The following ST7 variants were observed in gnomAD, a reference collection of about 807,000 sequenced individuals.
ST7 encodes suppressor of tumorigenicity 7 protein.
ST7 carries 28 observed loss-of-function variants against 78.7 expected under a neutral mutation model. The observed-to-expected ratio is 0.36, with a 90% CI of 0.26 to 0.49. The LOEUF is 0.49. Ranked by LOEUF, ST7 falls within the 20% of genes least tolerant of loss-of-function variation. The pLI is 0.99. For synonymous variants in ST7, 247 were observed against 249.6 expected, an observed-to-expected ratio of 0.99 and a Z score of 0.10; for missense variants, 418 against 696.0, an observed-to-expected ratio of 0.60 and a Z score of 4.49.
chr7:116,964,177 A>G (rs1352325790), intron 1 of ST7, among the ~76,000 whole-genome samples: 1 of 152,170 alleles, frequency 6.6e-6, no homozygotes, highest in Non-Finnish European at 1.5e-5. Context: ...CTAGATTTAG[A>G]GTTTTGTCTT....
chr7:117,096,636 T>C (rs951418768), intron 1 of ST7, among the ~76,000 whole-genome samples: 4 of 152,224 alleles, frequency 2.6e-5, no homozygotes, highest in Admixed American at 6.5e-5. Context: ...GCGAATAATA[T>C]TGATCTCATG....
chr7:116,983,204 A>G (rs1794037335), intron 1 of ST7, among the ~76,000 whole-genome samples: 1 of 152,040 alleles, frequency 6.6e-6, no homozygotes, highest in African/African-American at 2.4e-5. Flanking sequence ...AGCCACGTAT[A>G]TTGTTTTTAT....
At chr7:117,130,698 C>A in intron 5 of ST7, 92 bp downstream of exon 5, 1 of 806,406 alleles carries the variant, frequency 1.2e-6, no homozygotes, top group Non-Finnish European at 2.0e-6. Context: ...CTGTAAAACT[C>A]CAATGAATAA....
chr7:117,137,553 T>A (rs1020705409), intron 8 of ST7, among the ~76,000 whole-genome samples: 22 of 152,194 alleles, frequency 1.4e-4, no homozygotes, highest in East Asian at 1.9e-4. Context: ...ATCACATTTT[T>A]AAAATAATTT....
intron 1 of ST7, among the ~76,000 whole-genome samples, chr7:117,063,311 C>G (rs1165833165): frequency 6.6e-6 from 1 of 152,130 alleles, no homozygotes; most frequent in East Asian, 1.9e-4. Flanking sequence ...AAGCCCAGGA[C>G]AAAGATTAAA....
chr7:117,170,499 A>G (rs1033963187), intron 9 of ST7, among the ~76,000 whole-genome samples: 63 of 152,192 alleles, frequency 4.1e-4, no homozygotes, highest in African/African-American at 1.4e-3. Context: ...TGGCTAACAT[A>G]GTGAAACCCC....
At chr7:116,977,563 T>C (rs570928983) in intron 1 of ST7, among the ~76,000 whole-genome samples, 1 of 152,314 alleles carries the variant, frequency 6.6e-6, no homozygotes, top group East Asian at 1.9e-4. Flanking sequence ...TATATATTTT[T>C]TTATTTTGAG....
rs1180688805 is a variant in ST7 at position 117,129,790 on chromosome 7, C to T, written c.395-3C>T. Reference sequence around the variant, plus strand: ...AACATTTTCATATTTCTCTTTGTTGCAGAATGCAAAGTATGGCGAAATCCA... The same window carrying T: ...AACATTTTCATATTTCTCTTTGTTGTAGAATGCAAAGTATGGCGAAATCCA... On this transcript the variant is annotated splice_region_variant and splice_polypyrimidine_tract_variant and intron_variant, in intron 3 of 15. Transcript: ENST00000323984. 1 of 1,608,916 alleles carries T rather than the reference C, an allele frequency of 6.2e-7. No individual in the cohort carries two copies. The highest frequency in any genetic ancestry group is 2.2e-5 in the East Asian group (1 of 44,704).
At chr7:116,998,100 G>A (rs1304371110) in intron 1 of ST7, among the ~76,000 whole-genome samples, 4 of 152,256 alleles carry the variant, frequency 2.6e-5, no homozygotes, top group Admixed American at 2.6e-4. Context: ...AGGCAGGGGG[G>A]AGGCTCGGGC....
intron 10 of ST7, among the ~76,000 whole-genome samples, chr7:117,182,430 G>A (rs531489689): frequency 2.0e-5 from 3 of 152,268 alleles, no homozygotes; most frequent in South Asian, 2.1e-4. Flanking sequence ...CTGGAATGAC[G>A]TACTGAAACT....
chr7:117,188,039 C>T (rs558990467), intron 10 of ST7, among the ~76,000 whole-genome samples: 24 of 152,176 alleles, frequency 1.6e-4, no homozygotes, highest in Admixed American at 9.8e-4. Flanking sequence ...TAAGAGATTA[C>T]GGGTACAAAG....
At chr7:117,204,752 A>G (rs995444837) in intron 12 of ST7, among the ~76,000 whole-genome samples, 1 of 152,162 alleles carries the variant, frequency 6.6e-6, no homozygotes, top group Non-Finnish European at 1.5e-5. Flanking sequence ...GTTGCACCAA[A>G]GCATTGTAGG....
At chr7:117,218,239 A>C (rs1792838947) in intron 13 of ST7, among the ~76,000 whole-genome samples, 1 of 152,168 alleles carries the variant, frequency 6.6e-6, no homozygotes, top group South Asian at 2.1e-4. Flanking sequence ...GAGCTTTTAT[A>C]TTTTATATCT....
chr7:117,140,043 G>A (rs966722406), intron 9 of ST7, among the ~76,000 whole-genome samples: 1 of 152,156 alleles, frequency 6.6e-6, no homozygotes, highest in African/African-American at 2.4e-5. Flanking sequence ...TAATTTTGGT[G>A]ATTTTCTTGA....
intron 1 of ST7, among the ~76,000 whole-genome samples, chr7:116,996,822 GT>G (rs1032059379): frequency 6.6e-6 from 1 of 152,124 alleles, no homozygotes; most frequent in Non-Finnish European, 1.5e-5. Context: ...TATAGCTGAT[GT>G]TTTTCAAATT....
intron 1 of ST7, among the ~76,000 whole-genome samples, chr7:117,094,270 A>T (rs566759446): frequency 6.6e-6 from 1 of 152,318 alleles, no homozygotes; most frequent in East Asian, 1.9e-4. Context: ...CTCAGGCCCC[A>T]GGGCTGCGGT....
intron 10 of ST7, among the ~76,000 whole-genome samples, chr7:117,176,429 T>C (rs981083507): frequency 1.3e-5 from 2 of 152,210 alleles, no homozygotes; most frequent in Non-Finnish European, 2.9e-5. Context: ...TCTCAGTAGA[T>C]TGAAAACAGA....
chr7:117,192,346 CGAAAACTTGT>C (rs1172127600), intron 12 of ST7, among the ~76,000 whole-genome samples: 1 of 152,088 alleles, frequency 6.6e-6, no homozygotes, highest in Non-Finnish European at 1.5e-5. Flanking sequence ...GATTCTGAGG[CGAAAACTTGT>C]GTTCCACTTG....
At chr7:117,030,986 C>T (rs1483899234) in intron 1 of ST7, among the ~76,000 whole-genome samples, 1 of 152,062 alleles carries the variant, frequency 6.6e-6, no homozygotes, top group Non-Finnish European at 1.5e-5. Flanking sequence ...TACATATACA[C>T]CATGGAATAC....
Sources: allele counts gnomAD v4.1 joint callset (sites outside exome capture counted in the v4.1 genomes callset), GRCh38; gene constraint gnomAD v4.1.1; transcripts MANE v1.5; gene names NCBI Gene and HGNC (gene_info 2026-07-23, HGNC 2026-07-21).